The following SYNDIG1 variants were observed in gnomAD, a reference collection of about 807,000 sequenced individuals.
The protein encoded by SYNDIG1 is synapse differentiation-inducing gene protein 1.
Under a neutral mutation model 19.4 loss-of-function variants are expected in SYNDIG1, and 9 were observed. The ratio of observed to expected loss-of-function variants is 0.46; its 90% CI spans 0.28 to 0.81. The LOEUF (loss-of-function observed/expected upper bound fraction) is 0.81. Ranked by LOEUF, SYNDIG1 falls within the 30% of genes least tolerant of loss-of-function variation. The pLI, the probability that SYNDIG1 is intolerant of heterozygous loss-of-function variation, is 0.12. For missense variants in SYNDIG1, 311 were observed against 343.3 expected, an observed-to-expected ratio of 0.91 and a Z score of 0.74; for synonymous variants, 141 against 145.9, an observed-to-expected ratio of 0.97 and a Z score of 0.24.
At chr20:24,516,409 G>C (rs2056865572) in intron 1 of SYNDIG1, among the ~76,000 whole-genome samples, 1 of 152,134 alleles carries the variant, frequency 6.6e-6, no homozygotes, top group Non-Finnish European at 1.5e-5. Context: ...TACAGAATGG[G>C]AGAAAATTTT....
intron 1 of SYNDIG1, among the ~76,000 whole-genome samples, chr20:24,524,668 T>C (rs1035497274): frequency 1.3e-4 from 20 of 152,128 alleles, no homozygotes; most frequent in Non-Finnish European, 2.2e-4. Flanking sequence ...AAAATTTATC[T>C]TGTTAAGGAT....
At chr20:24,654,524 A>G (rs1008822326) in intron 3 of SYNDIG1, among the ~76,000 whole-genome samples, 6 of 151,990 alleles carry the variant, frequency 3.9e-5, no homozygotes, top group Admixed American at 3.9e-4. Context: ...GATTGAGGAA[A>G]TGATCCATAA....
At chr20:24,627,918 GTA>G (rs2059177752) in intron 3 of SYNDIG1, among the ~76,000 whole-genome samples, 1 of 152,258 alleles carries the variant, frequency 6.6e-6, no homozygotes, top group Non-Finnish European at 1.5e-5. Context: ...GGAGAGCAGC[GTA>G]GTGATGAAAA....
intron 1 of SYNDIG1, among the ~76,000 whole-genome samples, chr20:24,527,424 A>G (rs975647807): frequency 3.1e-4 from 47 of 152,114 alleles, no homozygotes; most frequent in African/African-American, 1.1e-3. Context: ...TAAGTATTTC[A>G]TGAACAATTG....
intron 3 of SYNDIG1, among the ~76,000 whole-genome samples, chr20:24,651,379 A>T (rs1264883623): frequency 1.3e-5 from 2 of 152,184 alleles, no homozygotes; most frequent in Non-Finnish European, 2.9e-5. Flanking sequence ...TTGTGGGTTA[A>T]TCACTATAAA....
chr20:24,659,623 G>A (rs1230182909), intron 3 of SYNDIG1, among the ~76,000 whole-genome samples: 4 of 152,226 alleles, frequency 2.6e-5, no homozygotes, highest in Non-Finnish European at 5.9e-5. Flanking sequence ...ACAGTGACGG[G>A]TGATGAAACG....
chr20:24,606,248 C>CA (rs1422124073), intron 3 of SYNDIG1, among the ~76,000 whole-genome samples: 1 of 152,242 alleles, frequency 6.6e-6, no homozygotes, highest in African/African-American at 2.4e-5. Context: ...AGCCAAGTCT[C>CA]AAAGCTCCAC....
chr20:24,479,592 C>T (rs1275666756), intron 1 of SYNDIG1, among the ~76,000 whole-genome samples: 1 of 152,166 alleles, frequency 6.6e-6, no homozygotes, highest in Non-Finnish European at 1.5e-5. Flanking sequence ...AGCCCCTGTG[C>T]TTCTTCCTCT....
chr20:24,481,781 T>C (rs561666744), intron 1 of SYNDIG1, among the ~76,000 whole-genome samples: 2 of 152,332 alleles, frequency 1.3e-5, no homozygotes, highest in East Asian at 3.9e-4. Context: ...TGGAGCACTT[T>C]GGAAGTAGGT....
At chr20:24,540,141 C>G (rs1169858821) in intron 1 of SYNDIG1, among the ~76,000 whole-genome samples, 1 of 152,126 alleles carries the variant, frequency 6.6e-6, no homozygotes, top group African/African-American at 2.4e-5. Context: ...TCAATTAATT[C>G]TGAAGTATTG....
Position 24,665,833 on chromosome 20 carries a change from T to C in SYNDIG1, c.*329T>C. The C allele has an allele frequency of 2.8e-6, 1 of 356,160 alleles. No individual in the cohort carries two copies. Among genetic ancestry groups the C allele is most frequent in the Non-Finnish European group, 5.0e-6 (1 of 198,552 alleles). The allele number at this position is 356,160 out of a possible 1,614,324, so 22.1% of individuals were successfully genotyped here. A position where few individuals can be genotyped will look rare whatever the true frequency, so the allele number is the denominator to read the frequency against. On this transcript the variant is annotated 3_prime_UTR_variant, in exon 4 of 4. Coordinates refer to ENST00000376862, the MANE Select transcript of SYNDIG1 (RefSeq NM_024893.3). ...GCCAGTGCCCAGAGTGCCACCGCAT[T>C]AGCAATATACAAACAGTCCAAAAAA...
At chr20:24,633,144 G>A (rs1345380674) in intron 3 of SYNDIG1, among the ~76,000 whole-genome samples, 1 of 152,174 alleles carries the variant, frequency 6.6e-6, no homozygotes, top group Non-Finnish European at 1.5e-5. Context: ...TTACTGCCAT[G>A]CTAAACACTT....
chr20:24,504,709 A>G (rs2056544121), intron 1 of SYNDIG1, among the ~76,000 whole-genome samples: 1 of 152,188 alleles, frequency 6.6e-6, no homozygotes, highest in Admixed American at 6.5e-5. Context: ...TCACGAGGGA[A>G]CATAGAGAGT....
At chr20:24,477,199 G>A (rs965130810) in intron 1 of SYNDIG1, among the ~76,000 whole-genome samples, 2 of 152,188 alleles carry the variant, frequency 1.3e-5, no homozygotes, top group African/African-American at 4.8e-5. Context: ...TCTCAGCAAC[G>A]GTTCTCTCTG....
chr20:24,507,365 A>G (rs572560399), intron 1 of SYNDIG1, among the ~76,000 whole-genome samples: 34 of 152,332 alleles, frequency 2.2e-4, no homozygotes, highest in Middle Eastern at 3.4e-3. Flanking sequence ...TTCATCATCT[A>G]TATTCTCACG....
chr20:24,494,042 G>A (rs564293786), intron 1 of SYNDIG1, among the ~76,000 whole-genome samples: 19 of 152,296 alleles, frequency 1.2e-4, no homozygotes, highest in Admixed American at 7.8e-4. Flanking sequence ...GTTGCATCCC[G>A]GCCACACCCC....
intron 3 of SYNDIG1, among the ~76,000 whole-genome samples, chr20:24,620,843 A>G (rs1472747394): frequency 6.6e-6 from 1 of 152,282 alleles, no homozygotes; most frequent in Admixed American, 6.5e-5. Context: ...ATTCAAATCA[A>G]TATATCAAAT....
At chr20:24,629,226 C>T (rs919174111) in intron 3 of SYNDIG1, among the ~76,000 whole-genome samples, 1 of 152,214 alleles carries the variant, frequency 6.6e-6, no homozygotes, top group Non-Finnish European at 1.5e-5. Context: ...CAGACGTGGA[C>T]ATGTCGGCTC....
intron 3 of SYNDIG1, among the ~76,000 whole-genome samples, chr20:24,610,974 A>C (rs370030224): frequency 1.3e-5 from 2 of 152,204 alleles, no homozygotes; most frequent in African/African-American, 4.8e-5. Context: ...TCAGAGGGGC[A>C]TCTTCTGTCT....
Sources: gnomAD v4.1 joint callset for allele counts (sites outside exome capture counted in the v4.1 genomes callset) on GRCh38, gnomAD v4.1.1 for gene constraint, MANE v1.5 for transcripts, NCBI Gene and HGNC (gene_info 2026-07-23, HGNC 2026-07-21) for gene names.